Variants in FBXW4 observed in about 807,000 individuals in gnomAD.
FBXW4 encodes F-box/WD repeat-containing protein 4.
Under a neutral mutation model 61.8 loss-of-function variants are expected in FBXW4, and 40 were observed. The ratio of observed to expected loss-of-function variants is 0.65; its 90% CI spans 0.50 to 0.84. The LOEUF (loss-of-function observed/expected upper bound fraction) is 0.84, where lower values mean the gene tolerates loss of function less well. Among genes scored for constraint, FBXW4 ranks in the 40% least tolerant of loss-of-function variants. FBXW4 has a pLI of 0.00. For missense variants in FBXW4, 672 were observed against 753.8 expected, an observed-to-expected ratio of 0.89 and a Z score of 1.27; for synonymous variants, 311 against 313.8, an observed-to-expected ratio of 0.99 and a Z score of 0.10.
intron 5 of FBXW4, among the ~76,000 whole-genome samples, chr10:101,638,468 G>A (rs2064022988): frequency 6.8e-6 from 1 of 147,028 alleles, no homozygotes; most frequent in Admixed American, 6.8e-5. Context: ...GATCTGGAAT[G>A]ACACATACTG....
chr10:101,624,199 T>C (rs2063889663), intron 6 of FBXW4, among the ~76,000 whole-genome samples: 1 of 152,076 alleles, frequency 6.6e-6, no homozygotes, highest in South Asian at 2.1e-4. Context: ...ATGTAAGATG[T>C]TACACAAACA....
At chr10:101,640,046 G>A (rs1162000843) in intron 5 of FBXW4, among the ~76,000 whole-genome samples, 1 of 152,216 alleles carries the variant, frequency 6.6e-6, no homozygotes, top group East Asian at 1.9e-4. Context: ...GATGAGCAAA[G>A]GGCTTTGCCA....
rs1408087586 is a variant in FBXW4 at position 101,612,489 on chromosome 10, AGGAC to A, written c.1302-16_1302-13del. The A allele has an allele frequency of 6.4e-7, 1 of 1,552,226 alleles. No homozygotes were observed. Among genetic ancestry groups the A allele is most frequent in the African/African-American group, 1.4e-5 (1 of 73,262 alleles). ...TCATCAGCTGCCCACTGGGAAGGGA[AGGAC>A]GGAGTGAGAGGCTGCTCCACGTGGG... On this transcript the variant is annotated splice_polypyrimidine_tract_variant and intron_variant, in intron 6 of 8. Coordinates refer to ENST00000331272, the MANE Select transcript of FBXW4 (RefSeq NM_022039.4).
chr10:101,614,490 T>A (rs1177635788), intron 6 of FBXW4, among the ~76,000 whole-genome samples: 1 of 151,944 alleles, frequency 6.6e-6, no homozygotes, highest in African/African-American at 2.4e-5. Context: ...GTATCTGCAG[T>A]CAGAAATACA....
chr10:101,640,031 T>G (rs140509469), intron 5 of FBXW4, among the ~76,000 whole-genome samples: 1 of 152,334 alleles, frequency 6.6e-6, no homozygotes, highest in East Asian at 1.9e-4. Context: ...ATGTCCTCAC[T>G]GAGAGATGAG....
chr10:101,662,354 G>A (rs2064252850), intron 5 of FBXW4, among the ~76,000 whole-genome samples: 1 of 152,096 alleles, frequency 6.6e-6, no homozygotes, highest in Non-Finnish European at 1.5e-5. Context: ...GAAGCAAGAA[G>A]GGGCAGCTCC....
chr10:101,619,838 A>G (rs575200275), intron 6 of FBXW4, among the ~76,000 whole-genome samples: 1 of 152,180 alleles, frequency 6.6e-6, no homozygotes, highest in African/African-American at 2.4e-5. Context: ...TGATGGAATG[A>G]GGGGCTGAGG....
intron 5 of FBXW4, chr10:101,625,328 C>A: frequency 6.3e-6 from 1 of 158,312 alleles, no homozygotes; most frequent in Non-Finnish European, 1.4e-5. Flanking sequence ...TATAAAGGCA[C>A]CAAAATGAGA....
intron 6 of FBXW4, among the ~76,000 whole-genome samples, chr10:101,615,981 C>G (rs942195451): frequency 6.6e-6 from 1 of 152,182 alleles, no homozygotes; most frequent in Non-Finnish European, 1.5e-5. Flanking sequence ...TCAGCATGTC[C>G]GTGGCTCCCA....
Position 101,694,884 on chromosome 10 carries a change from G to A in FBXW4, c.222C>T (p.Asp74=). 1 of 1,245,120 alleles carries A rather than the reference G, an allele frequency of 8.0e-7. No homozygotes were observed. The highest frequency in any genetic ancestry group is 1.0e-6 in the Non-Finnish European group (1 of 996,056). The allele number at this position is 1,245,120 out of a possible 1,614,324, so 77.1% of individuals were successfully genotyped here. ...TAKEAAGPGA[D]AGARACPREE... Reference sequence around the variant, plus strand: ...CCCTTGGGCATGCCCTCGCTCCCGCGTCAGCCCCCGGCCCGGCTGCCTCCT... The same window carrying A: ...CCCTTGGGCATGCCCTCGCTCCCGCATCAGCCCCCGGCCCGGCTGCCTCCT... Residue 74 remains aspartate (D), a synonymous_variant, in exon 1 of 9, where the codon GAC becomes GAT. Coordinates refer to ENST00000331272, the MANE Select transcript of FBXW4 (RefSeq NM_022039.4). The surrounding 1 kb of genome is among the most constrained non-coding windows in gnomAD (Gnocchi z 6.0).
chr10:101,646,477 G>A (rs2064097911), intron 5 of FBXW4, among the ~76,000 whole-genome samples: 1 of 152,246 alleles, frequency 6.6e-6, no homozygotes, highest in Non-Finnish European at 1.5e-5. Flanking sequence ...GGTTCTCAGA[G>A]GAGATCCCTG....
intron 5 of FBXW4, among the ~76,000 whole-genome samples, chr10:101,638,021 T>C (rs1340391813): frequency 6.6e-6 from 1 of 152,224 alleles, no homozygotes; most frequent in Non-Finnish European, 1.5e-5. Flanking sequence ...TAGAACCTGA[T>C]ACGGTCTAAC....
chr10:101,676,584 C>T lies in FBXW4; in HGVS notation c.726-148G>A, dbSNP rs2064411139. The T allele has an allele frequency of 3.6e-5, 19 of 529,804 alleles. 2 individuals are homozygous for T. The East Asian group carries it at 5.7e-4, about 16-fold the overall frequency. The allele number at this position is 529,804 out of a possible 1,614,324, so 32.8% of individuals were successfully genotyped here. On this transcript the variant is annotated intron_variant, in intron 1 of 8. Coordinates refer to ENST00000331272, the MANE Select transcript of FBXW4 (RefSeq NM_022039.4). ...CAGGAAGGAGTAACTGTTCTCTCTC[C>T]ATACTTGACTAAGAAAGCCAAGGAG...
chr10:101,636,604 A>G (rs1259100609), intron 5 of FBXW4, among the ~76,000 whole-genome samples: 7 of 145,932 alleles, frequency 4.8e-5, no homozygotes, highest in African/African-American at 1.8e-4. Flanking sequence ...TTTTTTTTTT[A>G]AAGATGGAGT....
chr10:101,638,375 TA>T (rs1260833417), intron 5 of FBXW4, among the ~76,000 whole-genome samples: 1 of 150,976 alleles, frequency 6.6e-6, no homozygotes, highest in Non-Finnish European at 1.5e-5. Flanking sequence ...AATGTGAGCC[TA>T]AAACAAAGCA....
At chr10:101,678,168 A>C (rs541902081) in intron 1 of FBXW4, among the ~76,000 whole-genome samples, 46 of 152,348 alleles carry the variant, frequency 3.0e-4, no homozygotes, top group African/African-American at 1.1e-3. Context: ...CACACAAGCT[A>C]CAGGAATGGC....
rs372240649 is a variant in FBXW4 at position 101,656,760 on chromosome 10, G to A, written c.1235+11126C>T. Among the ~76,000 whole-genome samples the A allele has an allele frequency of 1.3e-4, 20 of 152,272 alleles. No individual in the cohort carries two copies. In the East Asian group the frequency reaches 3.7e-3, roughly 28 times the overall value. On this transcript the variant is annotated intron_variant, in intron 5 of 8. Coordinates refer to ENST00000331272, the MANE Select transcript of FBXW4 (RefSeq NM_022039.4). ...AGACGAGCCTAAACACAAGTACATG[G>A]AAAACATGGGGGTGGGAAGGTCACA... is the stretch of plus-strand genomic sequence containing the variant.
intron 5 of FBXW4, among the ~76,000 whole-genome samples, chr10:101,656,270 A>T (rs1357883532): frequency 2.0e-5 from 3 of 152,052 alleles, no homozygotes; most frequent in African/African-American, 7.2e-5. Flanking sequence ...AGTGGTGGTC[A>T]CCCCATGCTT....
chr10:101,614,969 C>T (rs546803165), intron 6 of FBXW4, among the ~76,000 whole-genome samples: 1 of 152,280 alleles, frequency 6.6e-6, no homozygotes, highest in South Asian at 2.1e-4. Context: ...GAGAGATTGG[C>T]CCGACAATAG....
Sources: allele counts gnomAD v4.1 joint callset (sites outside exome capture counted in the v4.1 genomes callset), GRCh38; gene constraint gnomAD v4.1.1; non-coding constraint Gnocchi (gnomAD v3.1); transcripts MANE v1.5; gene names NCBI Gene and HGNC (gene_info 2026-07-23, HGNC 2026-07-21).